The following DOCK3 variants were observed in gnomAD, a reference collection of about 807,000 sequenced individuals.
DOCK3 encodes the protein dedicator of cytokinesis protein 3.
A neutral mutation model predicts 265.6 loss-of-function variants in DOCK3; 60 were observed. The observed-to-expected ratio is 0.23, with a 90% CI of 0.18 to 0.28. The LOEUF (loss-of-function observed/expected upper bound fraction) is 0.28, where lower values mean the gene tolerates loss of function less well. Among genes scored for constraint, DOCK3 ranks in the 10% least tolerant of loss-of-function variants. The pLI is 1.00. For synonymous variants in DOCK3, 881 were observed against 938.0 expected, an observed-to-expected ratio of 0.94 and a Z score of 1.11; for missense variants, 1,981 against 2,594.3, an observed-to-expected ratio of 0.76 and a Z score of 5.14.
chr3:50,928,139 A>G (rs1266671724), intron 4 of DOCK3, among the ~76,000 whole-genome samples: 2 of 149,042 alleles, frequency 1.3e-5, no homozygotes, highest in Non-Finnish European at 3.0e-5. Context: ...ATATATATAT[A>G]TATATATATA....
At chr3:50,947,263 A>G (rs2076452744) in intron 5 of DOCK3, among the ~76,000 whole-genome samples, 1 of 152,192 alleles carries the variant, frequency 6.6e-6, no homozygotes, top group Non-Finnish European at 1.5e-5. Flanking sequence ...TAGCTTTCAC[A>G]CCAGACATAG....
Position 50,675,386 on chromosome 3 carries a change from C to T in DOCK3, c.37+86C>T. ...CCCGCCTGGATTCGCATCCTCGTGCCCCCGCCACTGCCCGCAGGCTGCGCG... is the reference window on the plus strand; with the variant it reads ...CCCGCCTGGATTCGCATCCTCGTGCTCCCGCCACTGCCCGCAGGCTGCGCG... On this transcript the variant is annotated intron_variant, in intron 1 of 52. Coordinates refer to ENST00000266037, the MANE Select transcript of DOCK3 (RefSeq NM_004947.5). The surrounding 1 kb of genome is among the most constrained non-coding windows in gnomAD (Gnocchi z 6.1). 2 of 1,107,452 alleles carry T rather than the reference C, an allele frequency of 1.8e-6. No homozygotes were observed. The highest frequency in any genetic ancestry group is 2.3e-6 in the Non-Finnish European group (2 of 886,842). 68.6% of individuals were successfully genotyped at this position (1,107,452 alleles called of 1,614,324 possible). A position where few individuals can be genotyped will look rare whatever the true frequency, so the allele number is the denominator to read the frequency against.
chr3:51,106,078 G>A (rs2083268191), intron 9 of DOCK3, among the ~76,000 whole-genome samples: 1 of 152,246 alleles, frequency 6.6e-6, no homozygotes, highest in Admixed American at 6.5e-5. Context: ...CTGTAGTGGA[G>A]CATGGCCAGA....
intron 12 of DOCK3, among the ~76,000 whole-genome samples, chr3:51,178,868 C>T (rs2087121981): frequency 6.6e-6 from 1 of 152,144 alleles, no homozygotes; most frequent in Non-Finnish European, 1.5e-5. Context: ...GTTGATGTAA[C>T]AGATAATAAA....
chr3:51,328,553 A>G (rs1226434219), intron 32 of DOCK3, among the ~76,000 whole-genome samples: 1 of 151,268 alleles, frequency 6.6e-6, no homozygotes, highest in Admixed American at 6.6e-5. Flanking sequence ...TCTCAAATGT[A>G]TATTCAAGCA....
At chr3:50,798,671 C>T (rs911620636) in intron 2 of DOCK3, among the ~76,000 whole-genome samples, 63 of 151,902 alleles carry the variant, frequency 4.1e-4, no homozygotes, top group African/African-American at 1.5e-3. Flanking sequence ...AATATTTTCT[C>T]CCATTCTGTA....
At chr3:51,186,635 G>A (rs978334314) in intron 12 of DOCK3, among the ~76,000 whole-genome samples, 2 of 152,190 alleles carry the variant, frequency 1.3e-5, no homozygotes, top group African/African-American at 4.8e-5. Context: ...AGGAAAAAGT[G>A]GTTTCGTGGG....
chr3:50,737,328 A>G (rs572699433), intron 1 of DOCK3, among the ~76,000 whole-genome samples: 2 of 152,258 alleles, frequency 1.3e-5, no homozygotes, highest in South Asian at 4.1e-4. Context: ...GGACCAAGAC[A>G]GGGGGTGGGG....
chr3:50,983,408 C>T (rs1381786664), intron 5 of DOCK3, among the ~76,000 whole-genome samples: 1 of 152,130 alleles, frequency 6.6e-6, no homozygotes, highest in Non-Finnish European at 1.5e-5. Flanking sequence ...CCATGGCCGC[C>T]TCTGGACCAG....
chr3:50,781,855 C>T (rs929186370), intron 2 of DOCK3, among the ~76,000 whole-genome samples: 1 of 152,050 alleles, frequency 6.6e-6, no homozygotes, highest in Non-Finnish European at 1.5e-5. Context: ...TTTTAGTTCC[C>T]GGTTGTAAGT....
intron 12 of DOCK3, among the ~76,000 whole-genome samples, chr3:51,163,494 C>T (rs907353615): frequency 2.6e-5 from 4 of 151,798 alleles, no homozygotes; most frequent in African/African-American, 9.7e-5. Flanking sequence ...AAATAAATAA[C>T]CATATGTACA....
rs1553656751 is a variant in DOCK3 at position 50,782,292 on chromosome 3, T to TTTTTA, written c.121+3538_121+3539insATTTT. Among the ~76,000 whole-genome samples the TTTTTA allele has an allele frequency of 4.5e-5, 6 of 134,562 alleles. No homozygotes were observed. In the East Asian group the frequency reaches 1.4e-3, roughly 32 times the overall value. 88.3% of individuals were successfully genotyped at this position (134,562 alleles called of 152,430 possible). A position where few individuals can be genotyped will look rare whatever the true frequency, so the allele number is the denominator to read the frequency against. Reference sequence around the variant, plus strand: ...AGCAGTCTCACCAGTACCTGTTATTTTTTTTTTTTTTTTTTTGAGACGGAG... The same window carrying TTTTTA: ...AGCAGTCTCACCAGTACCTGTTATTTTTTTATTTTTTTTTTTTTTTTGAGACGGAG... On this transcript the variant is annotated intron_variant, in intron 2 of 52. Coordinates refer to ENST00000266037, the MANE Select transcript of DOCK3 (RefSeq NM_004947.5).
chr3:51,342,174 G>GA (rs1406350317), intron 38 of DOCK3, among the ~76,000 whole-genome samples: 1 of 152,202 alleles, frequency 6.6e-6, no homozygotes, highest in Non-Finnish European at 1.5e-5. Flanking sequence ...TCATCAAAAA[G>GA]AAAGATTTAA....
chr3:51,281,785 G>T (rs147141988), intron 27 of DOCK3, among the ~76,000 whole-genome samples: 1 of 152,290 alleles, frequency 6.6e-6, no homozygotes, highest in Non-Finnish European at 1.5e-5. Flanking sequence ...TGGCCAAAGA[G>T]ATCTGCCCTT....
At chr3:51,340,436 G>A (rs1399545622) in intron 37 of DOCK3, among the ~76,000 whole-genome samples, 1 of 152,212 alleles carries the variant, frequency 6.6e-6, no homozygotes, top group East Asian at 1.9e-4. Context: ...AGGCAAGGAT[G>A]AGGAGGAGCC....
chr3:51,208,718 ATCAGAC>A lies in DOCK3; in HGVS notation c.1038-55_1038-50del, dbSNP rs2089350156. 2.1e-6 allele frequency: 3 copies of A among 1,436,172 alleles called. No homozygotes were observed. In the Admixed American group the frequency reaches 5.9e-5, roughly 28 times the overall value. 89.0% of individuals were successfully genotyped at this position (1,436,172 alleles called of 1,614,324 possible). ...GAACTTAAGTGTTACACATTGGAACATCAGACCAGTTGTTTAAAATACTTGAGTACC... is the reference window on the plus strand; with the variant it reads ...GAACTTAAGTGTTACACATTGGAACACAGTTGTTTAAAATACTTGAGTACC... On this transcript the variant is annotated intron_variant, in intron 12 of 52. Coordinates refer to ENST00000266037, the MANE Select transcript of DOCK3 (RefSeq NM_004947.5).
Position 51,381,546 on chromosome 3 carries a change from G to A in DOCK3, c.6080G>A (p.Arg2027Gln), listed in dbSNP as rs782081576. The change falls in exon 53 of 53, where the codon CGA becomes CAA. Residue 2027 changes from arginine to glutamine, a missense_variant. By Grantham distance (43) the Arg-to-Gln change is conservative (BLOSUM62 1). This residue lies in a region of DOCK3 where 149 missense variants were observed against 144.7 expected (regional missense o/e 1.03). Coordinates refer to ENST00000266037, the MANE Select transcript of DOCK3 (RefSeq NM_004947.5). The surrounding 1 kb of genome is among the most constrained non-coding windows in gnomAD (Gnocchi z 5.6). Reference sequence around the variant, plus strand: ...GCCCGCATGGCCTGGGAGCACGGCCGAGGGGAGCAGTGAGGGGCAACGAGG... The same window carrying A: ...GCCCGCATGGCCTGGGAGCACGGCCAAGGGGAGCAGTGAGGGGCAACGAGG... ...EQARMAWEHG[R>Q]GEQ 28 of 1,534,964 alleles carry A rather than the reference G, an allele frequency of 1.8e-5. No individual in the cohort carries two copies. Among genetic ancestry groups the A allele is most frequent in the East Asian group, 1.6e-4 (7 of 42,968 alleles).
Position 51,090,217 on chromosome 3 carries a change from T to G in DOCK3, c.592-13T>G, listed in dbSNP as rs778629763. The G allele has an allele frequency of 6.5e-7, 1 of 1,533,524 alleles. No individual in the cohort carries two copies. Among genetic ancestry groups the G allele is most frequent in the African/African-American group, 1.4e-5 (1 of 71,222 alleles). 95.0% of individuals were successfully genotyped at this position (1,533,524 alleles called of 1,614,324 possible). ...TAAAATAAAAATCACTGGGTTTTTT[T>G]CTTCCTCATTAGGTAGATACAATGC... is the stretch of plus-strand genomic sequence containing the variant. On this transcript the variant is annotated splice_polypyrimidine_tract_variant and intron_variant, in intron 8 of 52. Coordinates refer to ENST00000266037, the MANE Select transcript of DOCK3 (RefSeq NM_004947.5).
intron 40 of DOCK3, 96 bp downstream of exon 40, chr3:51,350,488 G>A: frequency 5.2e-6 from 7 of 1,334,192 alleles, no homozygotes; most frequent in Non-Finnish European, 6.3e-6. Flanking sequence ...CTTTTCTACT[G>A]AATACTTCTT....
Sources: allele counts gnomAD v4.1 joint callset (sites outside exome capture counted in the v4.1 genomes callset), GRCh38; gene constraint gnomAD v4.1.1; regional missense constraint gnomAD v4.1.1; non-coding constraint Gnocchi (gnomAD v3.1); transcripts MANE v1.5; gene names NCBI Gene and HGNC (gene_info 2026-07-23, HGNC 2026-07-21).